The following PCED1B variants were observed in gnomAD, a reference collection of about 807,000 sequenced individuals.
PCED1B encodes the protein PC-esterase domain-containing protein 1B.
For synonymous variants in PCED1B, 251 were observed against 246.1 expected (o/e 1.02, Z -0.19); for missense variants, 573 against 573.9 (o/e 1.00, Z 0.02).
At chr12:47,132,311 A>T (rs896135763) in intron 2 of PCED1B, among the ~76,000 whole-genome samples, 1 of 152,048 alleles carries the variant, frequency 6.6e-6, no homozygotes, top group African/African-American at 2.4e-5. Flanking sequence ...CATTATATTG[A>T]TTAATTTTTA....
At chr12:47,137,230 T>C (rs1468486843) in intron 2 of PCED1B, among the ~76,000 whole-genome samples, 1 of 152,232 alleles carries the variant, frequency 6.6e-6, no homozygotes. Flanking sequence ...ATTTCATTTT[T>C]TATTTCCTTC....
chr12:47,192,177 T>G (rs1332062804), intron 2 of PCED1B, among the ~76,000 whole-genome samples: 1 of 151,754 alleles, frequency 6.6e-6, no homozygotes, highest in Non-Finnish European at 1.5e-5. Flanking sequence ...TTTTTTGTTT[T>G]TTTTTTTTTG....
At chr12:47,217,468 A>G (rs9668604) in intron 3 of PCED1B, among the ~76,000 whole-genome samples, 5,975 of 42,064 alleles carry the variant, frequency 0.14, 295 homozygotes, top group Middle Eastern at 0.22. Context: ...AAAAGAAAGA[A>G]AGAGAAAGAA....
intron 2 of PCED1B, among the ~76,000 whole-genome samples, chr12:47,136,694 G>A (rs10881050): frequency 0.48 from 72,198 of 151,870 alleles, 20,063 homozygotes; most frequent in Non-Finnish European, 0.61. Context: ...GCATCATTAT[G>A]AGATAGTATT....
chr12:47,197,280 C>T (rs1475441372), intron 2 of PCED1B, among the ~76,000 whole-genome samples: 2 of 150,274 alleles, frequency 1.3e-5, no homozygotes, highest in Non-Finnish European at 3.0e-5. Flanking sequence ...AACATATCTG[C>T]CCTCGCTTGT....
chr12:47,190,185 C>CA (rs1942398333), intron 2 of PCED1B, among the ~76,000 whole-genome samples: 1 of 152,158 alleles, frequency 6.6e-6, no homozygotes. Context: ...AATAATCAGC[C>CA]AAAAAGCAAA....
chr12:47,115,371 G>T (rs143391582), intron 2 of PCED1B, among the ~76,000 whole-genome samples: 1 of 152,024 alleles, frequency 6.6e-6, no homozygotes, highest in Non-Finnish European at 1.5e-5. Context: ...TGCCCCTCCC[G>T]CAATGTCTGT....
At chr12:47,143,543 C>T (rs61927694) in intron 2 of PCED1B, among the ~76,000 whole-genome samples, 5,941 of 152,060 alleles carry the variant, frequency 0.039, 151 homozygotes, top group African/African-American at 0.069. Context: ...AAGATCTGTA[C>T]ACAGAAAACT....
chr12:47,236,548 CT>C lies in PCED1B; in HGVS notation c.*187del. Reference sequence around the variant, plus strand: ...GAGCAGCCTGACTCATTCTTCTTGGCTGCAGCCTCTTCCCCACTTCCTGGGA... The same window carrying C: ...GAGCAGCCTGACTCATTCTTCTTGGCGCAGCCTCTTCCCCACTTCCTGGGA... On this transcript the variant is annotated 3_prime_UTR_variant, in exon 4 of 4. Transcript: ENST00000546455. The C allele has an allele frequency of 1.7e-6, 1 of 597,296 alleles. No homozygotes were observed. The highest frequency in any genetic ancestry group is 2.8e-6 in the Non-Finnish European group (1 of 352,316). 37.0% of individuals were successfully genotyped at this position (597,296 alleles called of 1,614,324 possible).
At chr12:47,109,783 T>C (rs1939113467) in intron 2 of PCED1B, among the ~76,000 whole-genome samples, 1 of 152,214 alleles carries the variant, frequency 6.6e-6, no homozygotes, top group Non-Finnish European at 1.5e-5. Context: ...AACTTTTAAA[T>C]ACTGCATCCT....
At chr12:47,091,042 C>G (rs1938244434) in intron 1 of PCED1B, among the ~76,000 whole-genome samples, 1 of 152,072 alleles carries the variant, frequency 6.6e-6, no homozygotes, top group African/African-American at 2.4e-5. Flanking sequence ...GCATACATTT[C>G]TAGTAGGTGT....
intron 2 of PCED1B, among the ~76,000 whole-genome samples, chr12:47,196,418 C>T (rs1036498439): frequency 6.6e-6 from 1 of 152,204 alleles, no homozygotes; most frequent in Admixed American, 6.5e-5. Flanking sequence ...TTAAGTAATA[C>T]ATATAAATCA....
chr12:47,175,186 C>T (rs906861813), intron 2 of PCED1B, among the ~76,000 whole-genome samples: 25 of 152,080 alleles, frequency 1.6e-4, no homozygotes, highest in Non-Finnish European at 1.6e-4. Flanking sequence ...AGAATATTTA[C>T]AGTTAAAATA....
intron 2 of PCED1B, among the ~76,000 whole-genome samples, chr12:47,195,874 T>C (rs1309637837): frequency 6.6e-6 from 1 of 152,246 alleles, no homozygotes; most frequent in Non-Finnish European, 1.5e-5. Context: ...TGTTATAATA[T>C]ACGGGCTATG....
intron 2 of PCED1B, among the ~76,000 whole-genome samples, chr12:47,140,129 A>G (rs1172442204): frequency 6.6e-6 from 1 of 152,200 alleles, no homozygotes; most frequent in Non-Finnish European, 1.5e-5. Context: ...ACTACCTTGC[A>G]TATGTTACTG....
chr12:47,177,718 C>G (rs946431824), intron 2 of PCED1B, among the ~76,000 whole-genome samples: 5 of 152,044 alleles, frequency 3.3e-5, no homozygotes, highest in South Asian at 2.1e-4. Context: ...CTTTGGGAGG[C>G]CAAGGTGGGC....
intron 1 of PCED1B, among the ~76,000 whole-genome samples, chr12:47,102,278 T>C (rs1938741601): frequency 6.6e-6 from 1 of 152,242 alleles, no homozygotes; most frequent in Non-Finnish European, 1.5e-5. Flanking sequence ...AAAGTAAGTG[T>C]ATTAAAAATG....
At chr12:47,135,311 T>A (rs1346838144) in intron 2 of PCED1B, among the ~76,000 whole-genome samples, 2 of 152,192 alleles carry the variant, frequency 1.3e-5, no homozygotes, top group African/African-American at 4.8e-5. Context: ...TATTTTTATT[T>A]TTATTTTTTT....
At chr12:47,090,937 G>T (rs546252051) in intron 1 of PCED1B, among the ~76,000 whole-genome samples, 7 of 152,040 alleles carry the variant, frequency 4.6e-5, no homozygotes, top group Non-Finnish European at 8.8e-5. Context: ...TCCAACAAAT[G>T]GTTGTTCCAA....
Sources: allele counts gnomAD v4.1 joint callset (sites outside exome capture counted in the v4.1 genomes callset), GRCh38; gene constraint gnomAD v4.1.1; transcripts MANE v1.5; gene names NCBI Gene and HGNC (gene_info 2026-07-23, HGNC 2026-07-21).